Variants in CNTN6 observed in about 807,000 individuals in gnomAD.
The protein encoded by CNTN6 is contactin-6.
A neutral mutation model predicts 122.8 loss-of-function variants in CNTN6; 137 were observed. That is an observed-to-expected ratio of 1.12 (90% CI 0.97 to 1.29). CNTN6 has a LOEUF of 1.29. Ranked by LOEUF, CNTN6 falls within the 50% of genes most tolerant of loss-of-function variation. The probability of loss-of-function intolerance (pLI) is 0.00; values close to 1 mark genes in which losing one functional copy is unlikely to be tolerated. For synonymous variants in CNTN6, 570 were observed against 426.0 expected, an observed-to-expected ratio of 1.34 and a Z score of -4.16; for missense variants, 1,634 against 1,223.4, an observed-to-expected ratio of 1.34 and a Z score of -5.01.
intron 3 of CNTN6, among the ~76,000 whole-genome samples, chr3:1,221,933 T>G (rs957729529): frequency 6.6e-6 from 1 of 152,214 alleles, no homozygotes; most frequent in Non-Finnish European, 1.5e-5. Context: ...GATTTTATTT[T>G]GCAGTAAAAA....
chr3:1,344,226 T>TCCA (rs1033221133), intron 11 of CNTN6, among the ~76,000 whole-genome samples: 7 of 151,862 alleles, frequency 4.6e-5, no homozygotes, highest in African/African-American at 1.7e-4. Flanking sequence ...CTCAGGGAGG[T>TCCA]CCACCTGCAG....
intron 2 of CNTN6, among the ~76,000 whole-genome samples, chr3:1,203,346 G>C (rs2093911776): frequency 6.6e-6 from 1 of 152,190 alleles, no homozygotes; most frequent in African/African-American, 2.4e-5. Context: ...ACAGTAATAA[G>C]AAATGAGGTT....
intron 2 of CNTN6, among the ~76,000 whole-genome samples, chr3:1,217,973 T>G (rs75625394): frequency 0.019 from 2,841 of 152,306 alleles, 82 homozygotes; most frequent in African/African-American, 0.065. Context: ...CCCCTTCCCT[T>G]TCTTTCATAG....
chr3:1,265,852 G>A (rs2125725708), intron 4 of CNTN6, among the ~76,000 whole-genome samples: 1 of 152,004 alleles, frequency 6.6e-6, no homozygotes, highest in East Asian at 1.9e-4. Flanking sequence ...AAATATCAAT[G>A]TACTGTCTGT....
At chr3:1,160,115 G>A (rs772864362) in intron 2 of CNTN6, among the ~76,000 whole-genome samples, 18 of 151,994 alleles carry the variant, frequency 1.2e-4, no homozygotes, top group Non-Finnish European at 2.4e-4. Context: ...CACCACGCCC[G>A]GCCAATCATT....
chr3:1,327,917 T>C (rs959307298), intron 10 of CNTN6, among the ~76,000 whole-genome samples: 1 of 151,672 alleles, frequency 6.6e-6, no homozygotes, highest in African/African-American at 2.4e-5. Flanking sequence ...AATAAAAAAA[T>C]CACAATTCAC....
intron 1 of CNTN6, among the ~76,000 whole-genome samples, chr3:1,114,651 G>T (rs903443765): frequency 2.6e-5 from 4 of 151,942 alleles, no homozygotes; most frequent in Admixed American, 1.3e-4. Context: ...GACCAGAAAA[G>T]GCAAAAGATA....
chr3:1,148,960 C>T (rs1195903363), intron 2 of CNTN6, among the ~76,000 whole-genome samples: 1 of 152,126 alleles, frequency 6.6e-6, no homozygotes, highest in Admixed American at 6.5e-5. Context: ...CAGAAGAATG[C>T]AGCATTTCTT....
At chr3:1,341,261 C>G (rs527332614) in intron 11 of CNTN6, among the ~76,000 whole-genome samples, 2 of 151,590 alleles carry the variant, frequency 1.3e-5, no homozygotes, top group Admixed American at 1.3e-4. Context: ...TTCATACTTT[C>G]TAGTCTTTTC....
At chr3:1,296,097 G>A (rs1290684328) in intron 6 of CNTN6, among the ~76,000 whole-genome samples, 1 of 152,078 alleles carries the variant, frequency 6.6e-6, no homozygotes, top group African/African-American at 2.4e-5. Flanking sequence ...CCGGGGAGTT[G>A]GCGTGTGTGT....
chr3:1,375,173 G>A (rs1709682093), intron 16 of CNTN6, among the ~76,000 whole-genome samples: 1 of 152,062 alleles, frequency 6.6e-6, no homozygotes, highest in Admixed American at 6.6e-5. Context: ...ATCTTCAGGT[G>A]TTGTCCATGA....
chr3:1,373,005 G>A (rs1709292982), intron 14 of CNTN6, 50 bp downstream of exon 14: 3 of 1,049,790 alleles, frequency 2.9e-6, no homozygotes, highest in Non-Finnish European at 4.3e-6. Context: ...CACAGTTACA[G>A]TGTTCATATC....
chr3:1,236,783 T>C (rs1279886038), intron 4 of CNTN6, among the ~76,000 whole-genome samples: 3 of 152,134 alleles, frequency 2.0e-5, no homozygotes, highest in Non-Finnish European at 4.4e-5. Flanking sequence ...ATTAAGCTAA[T>C]CAAGAAGGCA....
At chr3:1,235,120 C>T (rs954779555) in intron 4 of CNTN6, among the ~76,000 whole-genome samples, 1 of 152,156 alleles carries the variant, frequency 6.6e-6, no homozygotes, top group Non-Finnish European at 1.5e-5. Flanking sequence ...CCTTCTCCCA[C>T]TGCCTACTTC....
At chr3:1,228,641 G>C (rs1005948139) in intron 4 of CNTN6, among the ~76,000 whole-genome samples, 2 of 152,154 alleles carry the variant, frequency 1.3e-5, no homozygotes, top group African/African-American at 4.8e-5. Flanking sequence ...CCTTGCTTGA[G>C]AGTAATTATA....
At chr3:1,271,043 A>AT (rs1261634542) in intron 4 of CNTN6, among the ~76,000 whole-genome samples, 3 of 151,924 alleles carry the variant, frequency 2.0e-5, no homozygotes, top group Non-Finnish European at 4.4e-5. Flanking sequence ...ACATTAGACT[A>AT]TTTTTTATAT....
intron 4 of CNTN6, among the ~76,000 whole-genome samples, chr3:1,264,315 T>C (rs576058198): frequency 1.3e-5 from 2 of 152,308 alleles, no homozygotes; most frequent in African/African-American, 4.8e-5. Context: ...GAAAAGATTT[T>C]ATAAATACAT....
At chr3:1,121,549 T>C (rs2091950103) in intron 1 of CNTN6, among the ~76,000 whole-genome samples, 1 of 151,958 alleles carries the variant, frequency 6.6e-6, no homozygotes, top group South Asian at 2.1e-4. Context: ...CTATTTCTCC[T>C]ACCTTACTGA....
At chr3:1,221,616 T>A (rs2094208843) in intron 3 of CNTN6, among the ~76,000 whole-genome samples, 1 of 152,156 alleles carries the variant, frequency 6.6e-6, no homozygotes, top group Non-Finnish European at 1.5e-5. Flanking sequence ...GGAGAAAGGG[T>A]CAGTAAGTTT....
Sources: gnomAD v4.1 joint callset for allele counts (sites outside exome capture counted in the v4.1 genomes callset) on GRCh38, gnomAD v4.1.1 for gene constraint, MANE v1.5 for transcripts, NCBI Gene and HGNC (gene_info 2026-07-23, HGNC 2026-07-21) for gene names.